NHLRC2: variants seen among roughly 807,000 people sequenced by gnomAD.
NHLRC2 encodes the protein NHL repeat containing 2, also known as NHL repeat-containing protein 2.
A neutral mutation model predicts 68.1 loss-of-function variants in NHLRC2; 33 were observed. The ratio of observed to expected loss-of-function variants is 0.48; its 90% confidence interval spans 0.37 to 0.65. The LOEUF (loss-of-function observed/expected upper bound fraction) is 0.65. NHLRC2 is among the 30% of genes least tolerant of loss of function. The pLI is 0.00. For synonymous variants in NHLRC2, 311 were observed against 309.6 expected, an observed-to-expected ratio of 1.00 and a Z score of -0.05; for missense variants, 761 against 853.8, an observed-to-expected ratio of 0.89 and a Z score of 1.35.
intron 6 of NHLRC2, 30 bp downstream of exon 6, chr10:113,898,239 C>G (rs1846193513): frequency 7.3e-7 from 1 of 1,363,200 alleles, no homozygotes; most frequent in South Asian, 1.2e-5. Context: ...TTTGAGTAGA[C>G]TGTACTACTT....
intron 2 of NHLRC2, among the ~76,000 whole-genome samples, chr10:113,863,884 A>G (rs2134691255): frequency 6.6e-6 from 1 of 152,356 alleles, no homozygotes; most frequent in East Asian, 1.9e-4. Context: ...CAAATTTCTG[A>G]AAACAAAACC....
In NHLRC2 at chr10:113,908,401, C is replaced by T. The variant is rs149529808; in HGVS notation, c.2046C>T (p.Val682=). ...DCLSLEAIVS[V]SVFLYYCSAD... is the part of the protein sequence containing the mutation. ...TATCACTTGAAGCCATTGTATCTGT[C>T]AGTGTGTTTCTTTATTACTGTAGTG... The change falls in exon 11 of 11, where the codon GTC becomes GTT. Residue 682 remains valine (V), a synonymous_variant. Coordinates refer to ENST00000369301, the MANE Select transcript of NHLRC2 (RefSeq NM_198514.4). 9.3e-5 allele frequency: 150 copies of T among 1,614,090 alleles called. No homozygotes were observed. In the African/African-American group the frequency reaches 1.1e-3, roughly 12 times the overall value.
At position 113,913,569 on chromosome 10, in the gene NHLRC2, C is replaced by A. The variant is rs567870120; in HGVS notation, c.*5033C>A. On this transcript the variant is annotated 3_prime_UTR_variant, in exon 11 of 11. Coordinates refer to ENST00000369301, the MANE Select transcript of NHLRC2 (RefSeq NM_198514.4). ...TGTTTTAAAAGTTCTAACGGTTGGTCTTCAAAACGTAATTAAGACCTTATC... is the reference window on the plus strand; with the variant it reads ...TGTTTTAAAAGTTCTAACGGTTGGTATTCAAAACGTAATTAAGACCTTATC... 2.0e-5 allele frequency: 3 copies of A among 152,214 alleles called. No individual in the cohort carries two copies. Among genetic ancestry groups the A allele is most frequent in the South Asian group, 4.1e-4 (2 of 4,820 alleles). The allele number at this position is 152,214 out of a possible 1,614,324, so 9.4% of individuals were successfully genotyped here.
chr10:113,855,649 T>TTTGTG (rs1845745079), intron 1 of NHLRC2, among the ~76,000 whole-genome samples: 1 of 151,760 alleles, frequency 6.6e-6, no homozygotes, highest in Non-Finnish European at 1.5e-5. Flanking sequence ...TTTGTTTTGT[T>TTTGTG]TTGTTTTGTT....
intron 2 of NHLRC2, among the ~76,000 whole-genome samples, chr10:113,861,859 CATCACATT>C (rs1845819162): frequency 6.6e-6 from 1 of 151,986 alleles, no homozygotes; most frequent in South Asian, 2.1e-4. Flanking sequence ...GTTATTGTAA[CATCACATT>C]TTGTTTTCTA....
chr10:113,912,105 C>T lies in NHLRC2; in HGVS notation c.*3569C>T, dbSNP rs967448735. On this transcript the variant is annotated 3_prime_UTR_variant, in exon 11 of 11. Coordinates refer to ENST00000369301, the MANE Select transcript of NHLRC2 (RefSeq NM_198514.4). Reference sequence around the variant, plus strand: ...TAGCAATGGTTATGGCTTTTTTGTTCTGTTATTTTTATTGTGTAACGTAGT... The same window carrying T: ...TAGCAATGGTTATGGCTTTTTTGTTTTGTTATTTTTATTGTGTAACGTAGT... 6.6e-6 allele frequency: 1 copy of T among 151,832 alleles called. No individual in the cohort carries two copies. Among genetic ancestry groups the T allele is most frequent in the Non-Finnish European group, 1.5e-5 (1 of 67,930 alleles). 9.4% of individuals were successfully genotyped at this position (151,832 alleles called of 1,614,324 possible).
chr10:113,868,988 A>G, intron 2 of NHLRC2, among the ~76,000 whole-genome samples: 1 of 152,048 alleles, frequency 6.6e-6, no homozygotes, highest in Admixed American at 6.5e-5. Context: ...TACTGGAGAG[A>G]TGAGATTTGT....
chr10:113,864,942 C>G (rs1845850764), intron 2 of NHLRC2, among the ~76,000 whole-genome samples: 1 of 150,502 alleles, frequency 6.6e-6, no homozygotes, highest in Middle Eastern at 3.4e-3. Context: ...TGCTACAAAT[C>G]AGAGGTTTTT....
At chr10:113,863,495 G>A (rs1273127036) in intron 2 of NHLRC2, among the ~76,000 whole-genome samples, 1 of 152,018 alleles carries the variant, frequency 6.6e-6, no homozygotes, top group Non-Finnish European at 1.5e-5. Context: ...GGTTATAAAT[G>A]CTTATATTAA....
At chr10:113,905,630 T>A (rs1182323416) in intron 10 of NHLRC2, among the ~76,000 whole-genome samples, 1 of 152,204 alleles carries the variant, frequency 6.6e-6, no homozygotes, top group African/African-American at 2.4e-5. Flanking sequence ...TTGTCTCTAA[T>A]GATATTCCTC....
chr10:113,887,055 G>T (rs1387143972), intron 5 of NHLRC2, among the ~76,000 whole-genome samples: 1 of 152,092 alleles, frequency 6.6e-6, no homozygotes, highest in Non-Finnish European at 1.5e-5. Context: ...TAGGGAAAGG[G>T]TATCACAAAC....
At position 113,903,647 on chromosome 10, in the gene NHLRC2, A is replaced by G. The variant is rs1846247771; in HGVS notation, c.1615A>G (p.Ile539Val). The change falls in exon 9 of 11, where the codon ATT (isoleucine) becomes GTT (valine). Residue 539 changes from isoleucine to valine, a missense_variant. Physicochemically the swap from Ile to Val is conservative, Grantham distance 29. Transcript: ENST00000369301. ...STFNEPGGLC[I>V]GENGELLYVA... ...TTTTAATGAACCAGGAGGCTTGTGT[A>G]TTGGAGAGAATGGAGAATTATTATA... 1 of 1,605,420 alleles carries G rather than the reference A, an allele frequency of 6.2e-7. No homozygotes were observed. Among genetic ancestry groups the G allele is most frequent in the Non-Finnish European group, 8.5e-7 (1 of 1,172,224 alleles).
intron 4 of NHLRC2, among the ~76,000 whole-genome samples, chr10:113,881,303 A>G (rs1846034350): frequency 6.6e-6 from 1 of 151,760 alleles, no homozygotes; most frequent in South Asian, 2.1e-4. Flanking sequence ...CTCCATTTCA[A>G]ATATTTATGC....
intron 10 of NHLRC2, 84 bp downstream of exon 10, chr10:113,905,120 T>A (rs1191081084): frequency 5.3e-6 from 4 of 751,516 alleles, no homozygotes; most frequent in Non-Finnish European, 8.3e-6. Context: ...AGGTGATATT[T>A]TTACTCTGTA....
chr10:113,893,452 A>G lies in NHLRC2; in HGVS notation c.1040-4658A>G, dbSNP rs535325765. On this transcript the variant is annotated intron_variant, in intron 5 of 10. Transcript: ENST00000369301. ...CTTTTTATAAAATGAAGATGATGAT[A>G]ATAAGACTTGTTAAGGTTGTTAAAT... Among the ~76,000 whole-genome samples the G allele has an allele frequency of 7.9e-5, 12 of 152,314 alleles. No individual in the cohort carries two copies. The South Asian group carries it at 2.5e-3, about 32-fold the overall frequency.
chr10:113,878,133 G>A (rs546027927), intron 3 of NHLRC2, among the ~76,000 whole-genome samples: 1 of 152,134 alleles, frequency 6.6e-6, no homozygotes, highest in East Asian at 1.9e-4. Context: ...GATACACTCA[G>A]GAAACACTTT....
rs1274140827 is a variant in NHLRC2 at position 113,884,372 on chromosome 10, G to A, written c.1031G>A (p.Gly344Glu). ...AGTTCCCCTTGGGATGTAGTTTTTG[G>A]AACATCAGGTATGTGAACTTTTGAT... Reference protein sequence around the residue: ...PISSPWDVVFGTSGSEVQRGD... With the variant: ...PISSPWDVVFETSGSEVQRGD... The change falls in exon 5 of 11, where the codon GGA becomes GAA. Residue 344 changes from glycine (G) to glutamate (E), a missense_variant. Gly to Glu is a moderately conservative substitution (Grantham distance 98). Transcript: ENST00000369301. The A allele has an allele frequency of 1.1e-5, 18 of 1,608,018 alleles. No homozygotes were observed. The highest frequency in any genetic ancestry group is 1.0e-4 in the Admixed American group (6 of 59,760).
chr10:113,872,414 A>G (rs1482702826), intron 2 of NHLRC2, among the ~76,000 whole-genome samples: 5 of 152,140 alleles, frequency 3.3e-5, no homozygotes, highest in African/African-American at 9.7e-5. Flanking sequence ...AGCAGATCAC[A>G]TCTATATAAA....
rs1182517233 is a variant in NHLRC2, at chr10:113,884,396, A to G, written c.1039+16A>G. 1.3e-6 allele frequency: 2 copies of G among 1,598,448 alleles called. No individual in the cohort carries two copies. The highest frequency in any genetic ancestry group is 1.7e-6 in the Non-Finnish European group (2 of 1,169,834). The stretch of plus-strand genomic sequence containing the variant: ...GGAACATCAGGTATGTGAACTTTTG[A>G]TATTAAATGTAAAGGTAAATTTTAC... On this transcript the variant is annotated intron_variant, in intron 5 of 10. Transcript: ENST00000369301.
Sources: allele counts gnomAD v4.1 joint callset (sites outside exome capture counted in the v4.1 genomes callset), GRCh38; gene constraint gnomAD v4.1.1; transcripts MANE v1.5; gene names NCBI Gene and HGNC (gene_info 2026-07-23, HGNC 2026-07-21).